CUL9: variants seen among roughly 807,000 people sequenced by gnomAD.
CUL9 encodes cullin-9.
Under a neutral mutation model 272.6 loss-of-function variants are expected in CUL9, and 79 were observed. That is an observed-to-expected ratio of 0.29 (90% CI 0.24 to 0.35). The LOEUF (loss-of-function observed/expected upper bound fraction) is 0.35, where lower values mean the gene tolerates loss of function less well. Ranked by LOEUF, CUL9 falls within the 10% of genes least tolerant of loss-of-function variation. The pLI, the probability that CUL9 is intolerant of heterozygous loss-of-function variation, is 1.00. For missense variants in CUL9, 2,532 were observed against 3,255.6 expected (o/e 0.78, Z 5.41); for synonymous variants, 1,186 against 1,286.5 (o/e 0.92, Z 1.67).
At chr6:43,204,893 G>A in intron 22 of CUL9, 36 bp downstream of exon 22, 1 of 1,612,160 alleles carries the variant, frequency 6.2e-7, no homozygotes, top group South Asian at 1.1e-5. Context: ...CAGAGGGGAG[G>A]GGCTGCTCCT....
At position 43,185,506 on chromosome 6, in the gene CUL9, C is replaced by G; in HGVS notation, c.646C>G (p.Gln216Glu). 6.2e-7 allele frequency: 1 copy of G among 1,614,002 alleles called. No homozygotes were observed. The highest frequency in any genetic ancestry group is 8.5e-7 in the Non-Finnish European group (1 of 1,180,038). The change falls in exon 3 of 41, where the codon CAG becomes GAG. Residue 216 changes from glutamine to glutamate, a missense_variant. Transcript: ENST00000252050. ...ACTGAGCCAGCAAGATGGCATCGAG[C>G]AGCACATGGATTTTGACAGTCGCTA... is the stretch of plus-strand genomic sequence containing the variant. ...LSLSQQDGIE[Q>E]HMDFDSRYTL...
At chr6:43,188,840 A>G (rs1773159585) in intron 8 of CUL9, 125 bp downstream of exon 8, 1 of 717,988 alleles carries the variant, frequency 1.4e-6, no homozygotes, top group African/African-American at 1.8e-5. Context: ...CAGCCTGAGG[A>G]GCAGCCGAGC....
chr6:43,202,751 G>C lies in CUL9; in HGVS notation c.3683G>C (p.Ser1228Thr), dbSNP rs1269132838. ...LTLLVASEDS[S>T]YMPARVVVFG... ...TTGCTGGTGGCCAGTGAGGACTCAA[G>C]CTACATGCCAGCCAGGGTGGTGGTG... Residue 1228 changes from serine to threonine, a missense_variant, in exon 17 of 41, where the codon AGC becomes ACC. By Grantham distance (58) the Ser-to-Thr change is moderately conservative. This residue lies in a region of CUL9 where 2,218 missense variants were observed against 2,788.6 expected (regional missense o/e 0.80). Coordinates refer to ENST00000252050, the MANE Select transcript of CUL9 (RefSeq NM_015089.4). 1 of 1,614,178 alleles carries C rather than the reference G, an allele frequency of 6.2e-7. No individual in the cohort carries two copies. The highest frequency in any genetic ancestry group is 1.1e-5 in the South Asian group (1 of 91,082).
rs560384716 is a variant in CUL9 at position 43,196,953 on chromosome 6, C to T, written c.2803+91C>T. 3.6e-5 allele frequency: 40 copies of T among 1,098,608 alleles called. No homozygotes were observed. In the South Asian group the frequency reaches 4.7e-4, roughly 13 times the overall value. The allele number at this position is 1,098,608 out of a possible 1,614,324, so 68.1% of individuals were successfully genotyped here. A position where few individuals can be genotyped will look rare whatever the true frequency, so the allele number is the denominator to read the frequency against. On this transcript the variant is annotated intron_variant, in intron 11 of 40. Coordinates refer to ENST00000252050, the MANE Select transcript of CUL9 (RefSeq NM_015089.4). ...TCCTTACTGGAAAGATACAAGGAAA[C>T]TTCAGGAAATGAGCAAGCATTGTGC...
chr6:43,188,008 C>A lies in CUL9; in HGVS notation c.1877C>A (p.Thr626Asn), dbSNP rs1457659847. 15 of 1,613,808 alleles carry A rather than the reference C, an allele frequency of 9.3e-6. No homozygotes were observed. The highest frequency in any genetic ancestry group is 3.3e-4 in the Middle Eastern group (2 of 6,084). ...GCCCCTAAGACAGAGGCCGAGCCCA[C>A]CAAGACAAGGACCGAGACCCCCATG... ...AEAPKTEAEP[T>N]KTRTETPMAQ... Residue 626 changes from threonine (T) to asparagine (N), a missense_variant, in exon 7 of 41, where the codon ACC becomes AAC. Thr to Asn is a moderately conservative substitution (Grantham distance 65, BLOSUM62 0). Coordinates refer to ENST00000252050, the MANE Select transcript of CUL9 (RefSeq NM_015089.4).
chr6:43,195,172 A>G (rs750434113), intron 9 of CUL9, among the ~76,000 whole-genome samples: 1 of 152,240 alleles, frequency 6.6e-6, no homozygotes, highest in Non-Finnish European at 1.5e-5. Context: ...ATTGAGAAGT[A>G]GAAGTTGCTT....
chr6:43,197,595 T>C (rs1390898029), intron 11 of CUL9, among the ~76,000 whole-genome samples: 2 of 152,010 alleles, frequency 1.3e-5, no homozygotes, highest in Non-Finnish European at 2.9e-5. Context: ...GGAATTCTCC[T>C]GCCTCAGCCT....
intron 26 of CUL9, among the ~76,000 whole-genome samples, chr6:43,209,848 A>G (rs1775335477): frequency 6.6e-6 from 1 of 151,922 alleles, no homozygotes; most frequent in Non-Finnish European, 1.5e-5. Context: ...AGGTTTTACC[A>G]TATTGGCCAG....
At chr6:43,190,309 T>C (rs943724752) in intron 8 of CUL9, among the ~76,000 whole-genome samples, 10 of 151,314 alleles carry the variant, frequency 6.6e-5, no homozygotes, top group Non-Finnish European at 1.3e-4. Context: ...TTTTTTTTTT[T>C]CTATAAATAT....
chr6:43,183,705 T>TTTCTTC (rs1158447701), intron 1 of CUL9, among the ~76,000 whole-genome samples: 1 of 147,148 alleles, frequency 6.8e-6, no homozygotes, highest in Non-Finnish European at 1.5e-5. Context: ...TTCCTTCCTT[T>TTTCTTC]CTTCCTTCCT....
Position 43,186,267 on chromosome 6 carries a change from A to G in CUL9, c.1063A>G (p.Thr355Ala). The change falls in exon 4 of 41, where the codon ACC (threonine) becomes GCC (alanine). Residue 355 changes from threonine (T) to alanine (A), a missense_variant. Physicochemically the swap from Thr to Ala is moderately conservative, Grantham distance 58 (BLOSUM62 0). Transcript: ENST00000252050. ...CCTTTTACTCCCCACCATTGTCACC[A>G]CCCCCAGAAGACAAGGGTGGGTCTT... ...PSLLLPTIVTTPRRQGWVFRQ... is the reference protein window; with the variant it reads ...PSLLLPTIVTAPRRQGWVFRQ... The G allele has an allele frequency of 6.2e-7, 1 of 1,613,972 alleles. No homozygotes were observed. The highest frequency in any genetic ancestry group is 8.5e-7 in the Non-Finnish European group (1 of 1,179,986).
intron 26 of CUL9, among the ~76,000 whole-genome samples, chr6:43,207,845 T>C (rs1775170012): frequency 6.6e-6 from 1 of 152,358 alleles, no homozygotes; most frequent in South Asian, 2.1e-4. Flanking sequence ...TATTCTTAAC[T>C]GGATTCTACA....
chr6:43,220,957 C>A lies in CUL9; in HGVS notation c.6588+46C>A. ...CTGACCCTGAGCAAGGATTCACACT[C>A]CTTCCCTGCTTAATATCCCCACCCC... On this transcript the variant is annotated intron_variant, in intron 33 of 40. Coordinates refer to ENST00000252050, the MANE Select transcript of CUL9 (RefSeq NM_015089.4). The surrounding 1 kb of genome is among the most constrained non-coding windows in gnomAD (Gnocchi z 4.9). 6.5e-7 allele frequency: 1 copy of A among 1,539,318 alleles called. No individual in the cohort carries two copies. The highest frequency in any genetic ancestry group is 8.8e-7 in the Non-Finnish European group (1 of 1,138,800).
intron 26 of CUL9, among the ~76,000 whole-genome samples, chr6:43,208,436 C>T (rs1775214290): frequency 6.6e-6 from 1 of 152,184 alleles, no homozygotes; most frequent in South Asian, 2.1e-4. Flanking sequence ...AAACTCCTGG[C>T]CTCAGGTGGT....
Position 43,216,141 on chromosome 6 carries a change from T to C in CUL9, c.5937-17T>C. 6.3e-7 allele frequency: 1 copy of C among 1,593,590 alleles called. No individual in the cohort carries two copies. The highest frequency in any genetic ancestry group is 8.6e-7 in the Non-Finnish European group (1 of 1,164,220). ...CAGGGCAGGAATACTGACTTCTGTC[T>C]CTTCCCTCCCCACAAGCCCAGAAGC... On this transcript the variant is annotated splice_polypyrimidine_tract_variant and intron_variant, in intron 30 of 40. Transcript: ENST00000252050.
At chr6:43,207,804 A>C (rs190816164) in intron 26 of CUL9, among the ~76,000 whole-genome samples, 262 of 152,124 alleles carry the variant, frequency 1.7e-3, no homozygotes, top group African/African-American at 5.2e-3. Flanking sequence ...GTCATATTTT[A>C]CCTGTTTCAT....
At chr6:43,196,914 G>A (rs1273054353) in intron 11 of CUL9, 52 bp downstream of exon 11, 1 of 1,447,480 alleles carries the variant, frequency 6.9e-7, no homozygotes, top group East Asian at 2.3e-5. Flanking sequence ...TGCCAGCCAG[G>A]TTTACATATC....
Position 43,184,546 on chromosome 6 carries a change from T to C in CUL9, c.236T>C (p.Leu79Pro), listed in dbSNP as rs762906906. 5.0e-6 allele frequency: 8 copies of C among 1,612,812 alleles called. No individual in the cohort carries two copies. The East Asian group carries it at 1.6e-4, about 31-fold the overall frequency. The stretch of plus-strand genomic sequence containing the variant: ...GAGGTCTACGCCAACTGCCCTGGGC[T>C]GTTAGGTGAGCGGGCACTATCTAAG... ...APEVYANCPG[L>P]LGERALSKGL... Residue 79 changes from leucine to proline, a missense_variant, in exon 2 of 41, where the codon CTG (leucine) becomes CCG (proline). Transcript: ENST00000252050. The surrounding 1 kb of genome is among the most constrained non-coding windows in gnomAD (Gnocchi z 4.8).
rs1773673405 is a variant in CUL9 at position 43,193,049 on chromosome 6, A to G, written c.2229A>G (p.Gly743=). The G allele has an allele frequency of 1.2e-6, 2 of 1,614,150 alleles. No individual in the cohort carries two copies. The highest frequency in any genetic ancestry group is 2.2e-5 in the East Asian group (1 of 44,878). Reference sequence around the variant, plus strand: ...TGGAGCTGCTGACCAACCAGGTGGGAGAGAAGATGGTGGTCGTGCAGGCCC... The same window carrying G: ...TGGAGCTGCTGACCAACCAGGTGGGGGAGAAGATGGTGGTCGTGCAGGCCC... ...MLVELLTNQV[G]EKMVVVQALR... The change falls in exon 9 of 41, where the codon GGA becomes GGG. Residue 743 remains glycine, a synonymous_variant. Coordinates refer to ENST00000252050, the MANE Select transcript of CUL9 (RefSeq NM_015089.4).
Sources: allele counts gnomAD v4.1 joint callset (sites outside exome capture counted in the v4.1 genomes callset), GRCh38; gene constraint gnomAD v4.1.1; regional missense constraint gnomAD v4.1.1; non-coding constraint Gnocchi (gnomAD v3.1); transcripts MANE v1.5; gene names NCBI Gene and HGNC (gene_info 2026-07-23, HGNC 2026-07-21).